The following XRCC4 variants were observed in gnomAD, a reference collection of about 807,000 sequenced individuals.
XRCC4 encodes X-ray repair cross complementing 4.
In XRCC4, 28 loss-of-function variants were observed where a neutral mutation model predicts 39.1. That is an observed-to-expected ratio of 0.72 (90% CI 0.53 to 0.98). The LOEUF is 0.98. XRCC4 is among the 50% of genes least tolerant of loss of function. The probability of loss-of-function intolerance (pLI) is 0.00; values close to 1 mark genes in which losing one functional copy is unlikely to be tolerated. For missense variants in XRCC4, 350 were observed against 376.4 expected, an observed-to-expected ratio of 0.93 and a Z score of 0.58; for synonymous variants, 123 against 126.4, an observed-to-expected ratio of 0.97 and a Z score of 0.18.
intron 3 of XRCC4, among the ~76,000 whole-genome samples, chr5:83,171,334 T>C (rs1173716661): frequency 6.6e-6 from 1 of 152,172 alleles, no homozygotes. Context: ...AATTCAATTA[T>C]TCTCCTGCTT....
In XRCC4 at chr5:83,274,542, G is replaced by C. The variant is rs144653904; in HGVS notation, c.893+15865G>C. On this transcript the variant is annotated intron_variant, in intron 7 of 7. Transcript: ENST00000396027. ...TTAGTGGTGTGAAACAAGTGAAAAA[G>C]AATAAATAAACATGGACACATTGTA... Among the ~76,000 whole-genome samples, 9 of 152,224 alleles carry C rather than the reference G, an allele frequency of 5.9e-5. No homozygotes were observed. The East Asian group carries it at 9.7e-4, about 16-fold the overall frequency.
intron 7 of XRCC4, among the ~76,000 whole-genome samples, chr5:83,327,382 T>C (rs1050875844): frequency 1.3e-5 from 2 of 152,068 alleles, no homozygotes; most frequent in Non-Finnish European, 2.9e-5. Flanking sequence ...ATCATTGCTT[T>C]TTTATGAGTA....
In XRCC4 at chr5:83,200,738, T is replaced by G. The variant is rs189524098; in HGVS notation, c.483-2814T>G. On this transcript the variant is annotated intron_variant, in intron 4 of 7. Transcript: ENST00000396027. Reference sequence around the variant, plus strand: ...ATATAAGAAATTGTAATATATTTGTTTATATGTTTTCACATATTGGTTTTT... The same window carrying G: ...ATATAAGAAATTGTAATATATTTGTGTATATGTTTTCACATATTGGTTTTT... Among the ~76,000 whole-genome samples, 131 of 152,310 alleles carry G rather than the reference T, an allele frequency of 8.6e-4. No individual in the cohort carries two copies. The Middle Eastern group carries it at 0.01, about 12-fold the overall frequency.
chr5:83,269,587 T>C (rs1754067636), intron 7 of XRCC4, among the ~76,000 whole-genome samples: 1 of 151,476 alleles, frequency 6.6e-6, no homozygotes, highest in Non-Finnish European at 1.5e-5. Flanking sequence ...GTTCAAAAAA[T>C]AACCTGAAAT....
intron 6 of XRCC4, among the ~76,000 whole-genome samples, chr5:83,246,839 C>G (rs879924260): frequency 6.6e-6 from 1 of 152,080 alleles, no homozygotes; most frequent in African/African-American, 2.4e-5. Context: ...TTATGAATTT[C>G]AGAGATAGTA....
At chr5:83,239,028 T>C (rs1436076752) in intron 6 of XRCC4, among the ~76,000 whole-genome samples, 1 of 152,248 alleles carries the variant, frequency 6.6e-6, no homozygotes, top group Non-Finnish European at 1.5e-5. Context: ...CTAATGATTC[T>C]GTTCTCACAG....
At chr5:83,139,128 A>G (rs1335723999) in intron 3 of XRCC4, among the ~76,000 whole-genome samples, 2 of 152,108 alleles carry the variant, frequency 1.3e-5, no homozygotes, top group Non-Finnish European at 2.9e-5. Context: ...CATACAATCC[A>G]GTATCCCACA....
intron 3 of XRCC4, among the ~76,000 whole-genome samples, chr5:83,127,179 C>T (rs1489744166): frequency 6.6e-6 from 1 of 152,014 alleles, no homozygotes; most frequent in Non-Finnish European, 1.5e-5. Context: ...GTTATAAGGA[C>T]ATGAATTTGG....
intron 6 of XRCC4, among the ~76,000 whole-genome samples, chr5:83,223,451 A>G (rs1445903886): frequency 2.0e-5 from 3 of 151,596 alleles, no homozygotes; most frequent in Non-Finnish European, 4.4e-5. Flanking sequence ...CTTCTTAATC[A>G]TTATATAATT....
chr5:83,340,606 G>T (rs1430805213), intron 7 of XRCC4, among the ~76,000 whole-genome samples: 4 of 146,714 alleles, frequency 2.7e-5, no homozygotes, highest in South Asian at 2.2e-4. Context: ...GAAGGGAGTG[G>T]CCTCTACAAG....
chr5:83,168,945 C>T (rs1381866353), intron 3 of XRCC4, among the ~76,000 whole-genome samples: 1 of 151,856 alleles, frequency 6.6e-6, no homozygotes, highest in Non-Finnish European at 1.5e-5. Flanking sequence ...AAAGAGAATC[C>T]CCGGAATGAT....
intron 6 of XRCC4, among the ~76,000 whole-genome samples, chr5:83,227,640 T>A (rs1212669141): frequency 6.6e-6 from 1 of 152,076 alleles, no homozygotes; most frequent in African/African-American, 2.4e-5. Context: ...TAACTAACAC[T>A]CAATTATAGG....
At chr5:83,123,400 T>A (rs28745315) in intron 3 of XRCC4, among the ~76,000 whole-genome samples, 5,592 of 152,114 alleles carry the variant, frequency 0.037, 154 homozygotes, top group Middle Eastern at 0.12. Flanking sequence ...TTCATCCTTT[T>A]GCTTTTAATT....
At chr5:83,120,903 T>A (rs1443449295) in intron 3 of XRCC4, among the ~76,000 whole-genome samples, 1 of 152,176 alleles carries the variant, frequency 6.6e-6, no homozygotes, top group Non-Finnish European at 1.5e-5. Flanking sequence ...ATCCTCAACC[T>A]GCCCAAATTT....
intron 6 of XRCC4, among the ~76,000 whole-genome samples, chr5:83,229,646 C>CA (rs543831145): frequency 3.5e-4 from 43 of 122,122 alleles, no homozygotes; most frequent in Non-Finnish European, 6.0e-4. Context: ...TTCCAGGAGA[C>CA]AAAATGTTTA....
chr5:83,107,112 G>A (rs1345525509), intron 2 of XRCC4, among the ~76,000 whole-genome samples: 3 of 151,964 alleles, frequency 2.0e-5, no homozygotes, highest in Admixed American at 1.3e-4. Context: ...AAATTTTATA[G>A]TGCACTATGT....
chr5:83,315,425 C>T (rs1755845716), intron 7 of XRCC4, among the ~76,000 whole-genome samples: 1 of 152,128 alleles, frequency 6.6e-6, no homozygotes, highest in Non-Finnish European at 1.5e-5. Context: ...ACAGTGGCTA[C>T]ACTAAACAAA....
chr5:83,294,145 T>G (rs1755016666), intron 7 of XRCC4, among the ~76,000 whole-genome samples: 1 of 152,000 alleles, frequency 6.6e-6, no homozygotes, highest in African/African-American at 2.4e-5. Flanking sequence ...TGACCATGAC[T>G]AATTTTCAAT....
intron 3 of XRCC4, among the ~76,000 whole-genome samples, chr5:83,148,863 A>G (rs1218610284): frequency 6.6e-6 from 1 of 151,804 alleles, no homozygotes; most frequent in East Asian, 2.0e-4. Flanking sequence ...AATAACAATG[A>G]AGAAATAAAA....
Sources: allele counts gnomAD v4.1 joint callset (sites outside exome capture counted in the v4.1 genomes callset), GRCh38; gene constraint gnomAD v4.1.1; transcripts MANE v1.5; gene names NCBI Gene and HGNC (gene_info 2026-07-23, HGNC 2026-07-21).